The following MCM4 variants were observed in gnomAD, a reference collection of about 807,000 sequenced individuals.
The protein encoded by MCM4 is DNA replication licensing factor MCM4.
MCM4 carries 60 observed loss-of-function variants against 88.7 expected under a neutral mutation model. The ratio of observed to expected loss-of-function variants is 0.68; its 90% CI spans 0.55 to 0.84. The LOEUF (loss-of-function observed/expected upper bound fraction) is 0.84, where lower values mean the gene tolerates loss of function less well. Ranked by LOEUF, MCM4 falls within the 40% of genes least tolerant of loss-of-function variation. The probability of loss-of-function intolerance (pLI) is 0.00; values close to 1 mark genes in which losing one functional copy is unlikely to be tolerated. For missense variants in MCM4, 1,149 were observed against 1,105.5 expected, an observed-to-expected ratio of 1.04 and a Z score of -0.56; for synonymous variants, 465 against 410.5, an observed-to-expected ratio of 1.13 and a Z score of -1.61.
Position 47,976,941 on chromosome 8 carries a change from T to C in MCM4, c.*163T>C. On this transcript the variant is annotated 3_prime_UTR_variant, in exon 17 of 17. Transcript: ENST00000649973. ...TGGGTTCAATATTTGTAGTGAAGTATCTGTTTTCATTTTTTTCACGTTATA... is the reference window on the plus strand; with the variant it reads ...TGGGTTCAATATTTGTAGTGAAGTACCTGTTTTCATTTTTTTCACGTTATA... 1 of 529,998 alleles carries C rather than the reference T, an allele frequency of 1.9e-6. No homozygotes were observed. The allele number at this position is 529,998 out of a possible 1,614,324, so 32.8% of individuals were successfully genotyped here. A position where few individuals can be genotyped will look rare whatever the true frequency, so the allele number is the denominator to read the frequency against.
chr8:47,961,281 G>A, intron 2 of MCM4, 67 bp downstream of exon 2: 1 of 1,425,972 alleles, frequency 7.0e-7, no homozygotes, highest in Non-Finnish European at 9.1e-7. Flanking sequence ...CGCCGCAGCT[G>A]GCAGCGCTGG....
chr8:47,961,017 A>C lies in MCM4; in HGVS notation c.-15+3A>C. 1 of 1,027,576 alleles carries C rather than the reference A, an allele frequency of 9.7e-7. No homozygotes were observed. The highest frequency in any genetic ancestry group is 1.3e-6 in the Non-Finnish European group (1 of 755,126). The allele number at this position is 1,027,576 out of a possible 1,614,324, so 63.7% of individuals were successfully genotyped here. A position where few individuals can be genotyped will look rare whatever the true frequency, so the allele number is the denominator to read the frequency against. ...CGGCAAGCGGCCGCCTTTCCACGGTAACCGCGCGCCGGCGGGGAGGGCGTG... is the reference window on the plus strand; with the variant it reads ...CGGCAAGCGGCCGCCTTTCCACGGTCACCGCGCGCCGGCGGGGAGGGCGTG... On this transcript the variant is annotated splice_donor_region_variant and intron_variant, in intron 1 of 16. Transcript: ENST00000649973.
chr8:47,966,537 G>T, intron 9 of MCM4, 130 bp downstream of exon 9: 2 of 910,676 alleles, frequency 2.2e-6, no homozygotes, highest in Non-Finnish European at 3.3e-6. Context: ...GGTCTTGTGG[G>T]TTTCGTTAGT....
intron 12 of MCM4, 62 bp downstream of exon 12, chr8:47,970,938 A>G: frequency 6.6e-7 from 1 of 1,523,368 alleles, no homozygotes; most frequent in Non-Finnish European, 8.8e-7. Context: ...CTTGAAAGAC[A>G]GGGTCTGTGG....
chr8:47,965,734 C>T (rs932425497), intron 8 of MCM4, among the ~76,000 whole-genome samples: 3 of 152,174 alleles, frequency 2.0e-5, no homozygotes, highest in Admixed American at 6.5e-5. Context: ...GTATAGAGGA[C>T]TTTTTCTCTA....
In MCM4 at chr8:47,963,380, G is replaced by C. The variant is rs528357028; in HGVS notation, c.693+340G>C. Among the ~76,000 whole-genome samples the C allele has an allele frequency of 2.0e-5, 3 of 152,096 alleles. No individual in the cohort carries two copies. In the East Asian group the frequency reaches 5.8e-4, roughly 29 times the overall value. On this transcript the variant is annotated intron_variant, in intron 7 of 16. Coordinates refer to ENST00000649973, the MANE Select transcript of MCM4 (RefSeq NM_182746.3). ...GAAGCGATAGAATCACTTGAACCCC[G>C]GAGGCAGAGGTGCAGTGAGCCGAGA...
intron 3 of MCM4, 138 bp downstream of exon 3, chr8:47,961,818 A>G (rs975469833): frequency 1.7e-6 from 2 of 1,197,138 alleles, no homozygotes; most frequent in African/African-American, 1.5e-5. Context: ...GTTCTTAACC[A>G]GAGGAGCTGA....
Position 47,969,775 on chromosome 8 carries a change from GCAT to G in MCM4, c.1175-21_1175-19del. 6.2e-7 allele frequency: 1 copy of G among 1,612,306 alleles called. No homozygotes were observed. Among genetic ancestry groups the G allele is most frequent in the Middle Eastern group, 1.7e-4 (1 of 6,056 alleles). On this transcript the variant is annotated intron_variant, in intron 10 of 16. Transcript: ENST00000649973. The stretch of plus-strand genomic sequence containing the variant: ...GAGGAAGATATGGGAAGGTAAAAGT[GCAT>G]CTCCTGGTTGTGCCCTCAGGCATCT...
intron 5 of MCM4, 79 bp downstream of exon 5, chr8:47,962,485 G>T: frequency 6.9e-7 from 1 of 1,448,636 alleles, no homozygotes; most frequent in East Asian, 2.3e-5. Flanking sequence ...TATCTAAGTA[G>T]CCATAATGAC....
chr8:47,975,531 A>C (rs747739142), intron 15 of MCM4, 184 bp from the exon 16 acceptor site: 15 of 447,992 alleles, frequency 3.3e-5, no homozygotes, highest in Middle Eastern at 1.2e-3. Flanking sequence ...TAGACTGTTA[A>C]GGAAAGCAGC....
At chr8:47,963,363 A>G (rs1461509376) in intron 7 of MCM4, among the ~76,000 whole-genome samples, 1 of 152,220 alleles carries the variant, frequency 6.6e-6, no homozygotes, top group African/African-American at 2.4e-5. Flanking sequence ...CTGAAGCGAT[A>G]GAATCACTTG....
chr8:47,966,532 T>C (rs6991519), intron 9 of MCM4, 125 bp downstream of exon 9: 78 of 990,066 alleles, frequency 7.9e-5, no homozygotes, highest in African/African-American at 7.0e-4. Flanking sequence ...TCTCTGGTCT[T>C]GTGGGTTTCG....
Position 47,967,406 on chromosome 8 carries a change from G to A in MCM4, c.1095G>A (p.Gln365=). Reference sequence around the variant, plus strand: ...CTCCGGAAGACATGCCTGCAGGGCAGACACCACACACAGTTATCCTGTTTG... The same window carrying A: ...CTCCGGAAGACATGCCTGCAGGGCAAACACCACACACAGTTATCCTGTTTG... ...QESPEDMPAG[Q]TPHTVILFAH... Residue 365 remains glutamine, a synonymous_variant, in exon 10 of 17, where the codon CAG becomes CAA. Coordinates refer to ENST00000649973, the MANE Select transcript of MCM4 (RefSeq NM_182746.3). 1 of 1,614,202 alleles carries A rather than the reference G, an allele frequency of 6.2e-7. No homozygotes were observed. The highest frequency in any genetic ancestry group is 8.5e-7 in the Non-Finnish European group (1 of 1,180,030).
At position 47,962,838 on chromosome 8, in the gene MCM4, A is replaced by G. The variant is rs1382290647; in HGVS notation, c.576A>G (p.Leu192=). 2 of 1,608,000 alleles carry G rather than the reference A, an allele frequency of 1.2e-6. No individual in the cohort carries two copies. The highest frequency in any genetic ancestry group is 1.7e-6 in the Non-Finnish European group (2 of 1,178,194). The change falls in exon 6 of 17, where the codon CTA becomes CTG. Residue 192 remains leucine, a synonymous_variant. Coordinates refer to ENST00000649973, the MANE Select transcript of MCM4 (RefSeq NM_182746.3). ...TTGGCATAGATATTACTGAACCTCT[A>G]TACATGCAACGACTTGGGGAGGTAA... The part of the protein sequence containing the change: ...ENVGIDITEP[L]YMQRLGEINV...
At chr8:47,967,577 A>G (rs1238344762) in intron 10 of MCM4, 92 bp downstream of exon 10, 2 of 1,520,410 alleles carry the variant, frequency 1.3e-6, no homozygotes, top group African/African-American at 1.4e-5. Flanking sequence ...TCACAGGTCC[A>G]GTTCTACCTC....
chr8:47,971,026 A>G, intron 12 of MCM4, 150 bp downstream of exon 12: 1 of 1,005,666 alleles, frequency 9.9e-7, no homozygotes, highest in Non-Finnish European at 1.4e-6. Context: ...CTAAATCTCA[A>G]CATGTCTTCT....
chr8:47,976,122 G>A (rs944540106), intron 16 of MCM4, among the ~76,000 whole-genome samples: 1 of 151,926 alleles, frequency 6.6e-6, no homozygotes, highest in African/African-American at 2.4e-5. Context: ...GTGAAACCCT[G>A]TCTCTATTAA....
In MCM4 at chr8:47,961,583, G is replaced by A; in HGVS notation, c.138G>A (p.Gly46=). 6.2e-7 allele frequency: 1 copy of A among 1,614,210 alleles called. No individual in the cohort carries two copies. The highest frequency in any genetic ancestry group is 8.5e-7 in the Non-Finnish European group (1 of 1,180,036). The change falls in exon 3 of 17, where the codon GGG becomes GGA. Residue 46 remains glycine (G), a synonymous_variant. Transcript: ENST00000649973. Reference sequence around the variant, plus strand: ...GAGGCGAGGATTCCACCTCCACGGGGGAGTTGCAGCCGATGCCAACCTCGC... The same window carrying A: ...GAGGCGAGGATTCCACCTCCACGGGAGAGTTGCAGCCGATGCCAACCTCGC... ...RRRGEDSTST[G]ELQPMPTSPG...
intron 15 of MCM4, chr8:47,975,428 G>T (rs892547787): frequency 5.1e-6 from 1 of 196,896 alleles, no homozygotes. Flanking sequence ...GTTTTAAGGA[G>T]ATTCTGTCTC....
Sources: gnomAD v4.1 joint callset for allele counts (sites outside exome capture counted in the v4.1 genomes callset) on GRCh38, gnomAD v4.1.1 for gene constraint, MANE v1.5 for transcripts, NCBI Gene and HGNC (gene_info 2026-07-23, HGNC 2026-07-21) for gene names.